The following ACAD10 variants were observed in gnomAD, a reference collection of about 807,000 sequenced individuals.
The protein encoded by ACAD10 is acyl-CoA dehydrogenase family member 10, also known as ACAD-10.
In ACAD10, 112 loss-of-function variants were observed where a neutral mutation model predicts 116.8. The observed-to-expected ratio is 0.96, with a 90% confidence interval of 0.82 to 1.12. ACAD10 has a LOEUF of 1.12. Ranked by LOEUF, ACAD10 falls within the 50% of genes most tolerant of loss-of-function variation. The pLI, the probability that ACAD10 is intolerant of heterozygous loss-of-function variation, is 0.00. For missense variants in ACAD10, 1,259 were observed against 1,350.2 expected, an observed-to-expected ratio of 0.93 and a Z score of 1.06; for synonymous variants, 486 against 510.6, an observed-to-expected ratio of 0.95 and a Z score of 0.65.
Position 111,729,969 on chromosome 12 carries a change from G to T in ACAD10, c.1394+13G>T, listed in dbSNP as rs1251347918. 3 of 1,611,230 alleles carry T rather than the reference G, an allele frequency of 1.9e-6. No individual in the cohort carries two copies. Among genetic ancestry groups the T allele is most frequent in the South Asian group, 2.2e-5 (2 of 90,872 alleles). On this transcript the variant is annotated intron_variant, in intron 10 of 20. Coordinates refer to ENST00000313698, the MANE Select transcript of ACAD10 (RefSeq NM_025247.6). Reference sequence around the variant, plus strand: ...ACGGGGACTTCAGGTAGATGTGGTGGCAGGGAGAGCTGAAAAATGACAGCA... The same window carrying T: ...ACGGGGACTTCAGGTAGATGTGGTGTCAGGGAGAGCTGAAAAATGACAGCA...
intron 18 of ACAD10, chr12:111,753,389 G>C (rs980064780): frequency 4.7e-6 from 2 of 427,800 alleles, no homozygotes; most frequent in African/African-American, 4.0e-5. Flanking sequence ...CGTGTGCAGT[G>C]CCTGCAGTCA....
At chr12:111,754,606 A>G (rs536924999) in intron 19 of ACAD10, among the ~76,000 whole-genome samples, 1 of 146,890 alleles carries the variant, frequency 6.8e-6, no homozygotes, top group African/African-American at 2.6e-5. Context: ...AAGACCCTCA[A>G]CCATCAGGGA....
intron 9 of ACAD10, 86 bp from the exon 10 acceptor site, chr12:111,729,720 A>G (rs1347085615): frequency 3.3e-6 from 5 of 1,506,430 alleles, no homozygotes; most frequent in Non-Finnish European, 4.5e-6. Context: ...GAGCATGACA[A>G]AGGGTTTCAC....
At chr12:111,747,435 T>C (rs1889944323) in intron 16 of ACAD10, 50 bp downstream of exon 16, 2 of 1,604,000 alleles carry the variant, frequency 1.2e-6, no homozygotes, top group Middle Eastern at 1.7e-4. Flanking sequence ...GAGTCTGTGC[T>C]GTTAGGCGCG....
At chr12:111,689,452 A>C (rs930849137) in intron 1 of ACAD10, among the ~76,000 whole-genome samples, 1 of 150,978 alleles carries the variant, frequency 6.6e-6, no homozygotes, top group African/African-American at 2.4e-5. Context: ...GTTCACTGCA[A>C]CCTCCACTTC....
At chr12:111,732,361 G>A (rs1222434192) in intron 10 of ACAD10, among the ~76,000 whole-genome samples, 1 of 151,902 alleles carries the variant, frequency 6.6e-6, no homozygotes, top group Non-Finnish European at 1.5e-5. Flanking sequence ...GTTTCAAAAG[G>A]GTAATATATC....
chr12:111,713,310 CG>C (rs559278260), intron 6 of ACAD10, among the ~76,000 whole-genome samples: 7 of 144,676 alleles, frequency 4.8e-5, no homozygotes, highest in Non-Finnish European at 7.5e-5. Flanking sequence ...GACTCCATCT[CG>C]GGGGGAAAAA....
intron 8 of ACAD10, among the ~76,000 whole-genome samples, chr12:111,725,790 C>T (rs1370631117): frequency 2.0e-5 from 3 of 151,946 alleles, no homozygotes; most frequent in African/African-American, 7.3e-5. Flanking sequence ...CCGCCTCGGC[C>T]TCCCAAAGTG....
intron 12 of ACAD10, among the ~76,000 whole-genome samples, chr12:111,740,437 G>C (rs1247412589): frequency 6.7e-6 from 1 of 148,218 alleles, no homozygotes. Context: ...CTCCAGCCTG[G>C]GTGACAGAGC....
intron 13 of ACAD10, chr12:111,745,497 A>C: frequency 4.9e-6 from 1 of 205,880 alleles, no homozygotes; most frequent in Non-Finnish European, 9.6e-6. Flanking sequence ...GCTGTTCCTT[A>C]TCACGTGAAC....
intron 16 of ACAD10, chr12:111,747,679 C>A: frequency 8.4e-7 from 1 of 1,197,232 alleles, no homozygotes; most frequent in Non-Finnish European, 1.0e-6. Flanking sequence ...GTTCATTCTG[C>A]TTTGGGCAGC....
chr12:111,748,934 A>T (rs2135991689), intron 17 of ACAD10: 3 of 1,390,428 alleles, frequency 2.2e-6, no homozygotes, highest in Non-Finnish European at 3.0e-6. Flanking sequence ...AGGTGGCATT[A>T]TTATGTTTTT....
chr12:111,702,297 T>A lies in ACAD10; in HGVS notation c.323T>A (p.Leu108His). 1 of 1,614,148 alleles carries A rather than the reference T, an allele frequency of 6.2e-7. No individual in the cohort carries two copies. The highest frequency in any genetic ancestry group is 8.5e-7 in the Non-Finnish European group (1 of 1,180,024). Reference sequence around the variant, plus strand: ...GGTTTTTTACGAGAATTTGGGAGACTTTGCTCTGAAATGGTGAGTGGTAAA... The same window carrying A: ...GGTTTTTTACGAGAATTTGGGAGACATTGCTCTGAAATGGTGAGTGGTAAA... Reference protein sequence around the residue: ...AEGFLREFGRLCSEMLKTSVP... With the variant: ...AEGFLREFGRHCSEMLKTSVP... Residue 108 changes from leucine to histidine, a missense_variant, in exon 3 of 21, where the codon CTT becomes CAT. Leu to His is a moderately conservative substitution (Grantham distance 99, BLOSUM62 -3). Transcript: ENST00000313698.
chr12:111,691,396 G>C (rs1052202449), intron 1 of ACAD10, among the ~76,000 whole-genome samples: 6 of 151,932 alleles, frequency 3.9e-5, no homozygotes, highest in African/African-American at 1.5e-4. Context: ...AGTCTTTTCT[G>C]GTATCCCCAA....
intron 4 of ACAD10, among the ~76,000 whole-genome samples, chr12:111,707,362 C>T (rs759480506): frequency 1.1e-4 from 17 of 152,076 alleles, no homozygotes; most frequent in South Asian, 2.1e-4. Context: ...TCCCAAAGTG[C>T]TGAGATTACA....
At chr12:111,709,865 G>A (rs1486578558) in intron 5 of ACAD10, 181 bp downstream of exon 5, 1 of 703,782 alleles carries the variant, frequency 1.4e-6, no homozygotes, top group Non-Finnish European at 2.2e-6. Context: ...TTTTCAATGG[G>A]AAGCAAGACA....
intron 8 of ACAD10, among the ~76,000 whole-genome samples, chr12:111,726,022 G>C (rs1222853430): frequency 6.6e-6 from 1 of 152,026 alleles, no homozygotes; most frequent in Non-Finnish European, 1.5e-5. Context: ...TGGAGGCTGA[G>C]GCAGATGGAT....
At chr12:111,730,972 T>C (rs186882497) in intron 10 of ACAD10, among the ~76,000 whole-genome samples, 72 of 152,270 alleles carry the variant, frequency 4.7e-4, no homozygotes, top group Admixed American at 1.6e-3. Flanking sequence ...AATACAAAAA[T>C]GTGAGATGGG....
At position 111,736,834 on chromosome 12, in the gene ACAD10, T is replaced by C. The variant is rs1223099786; in HGVS notation, c.1544T>C (p.Ile515Thr). 6.2e-7 allele frequency: 1 copy of C among 1,613,192 alleles called. No homozygotes were observed. Among genetic ancestry groups the C allele is most frequent in the Non-Finnish European group, 8.5e-7 (1 of 1,179,574 alleles). Reference sequence around the variant, plus strand: ...AATGGCTCTGTCTTTCTCGCAGGTATTAATGACTGTGACTTGACACAGCTG... The same window carrying C: ...AATGGCTCTGTCTTTCTCGCAGGTACTAATGACTGTGACTTGACACAGCTG... The part of the protein sequence containing the change: ...LPSSFPVLRG[I>T]NDCDLTQLGI... The change falls in exon 12 of 21, where the codon ATT becomes ACT. Residue 515 changes from isoleucine to threonine, a missense_variant. Physicochemically the swap from Ile to Thr is moderately conservative, Grantham distance 89 (BLOSUM62 -1). Coordinates refer to ENST00000313698, the MANE Select transcript of ACAD10 (RefSeq NM_025247.6).
Sources: allele counts gnomAD v4.1 joint callset (sites outside exome capture counted in the v4.1 genomes callset), GRCh38; gene constraint gnomAD v4.1.1; transcripts MANE v1.5; gene names NCBI Gene and HGNC (gene_info 2026-07-23, HGNC 2026-07-21).